ATP8A2: variants seen among roughly 807,000 people sequenced by gnomAD.
ATP8A2 encodes ATPase phospholipid transporting 8A2.
ATP8A2 carries 100 observed loss-of-function variants against 165.6 expected under a neutral mutation model. The observed-to-expected ratio is 0.60, with a 90% CI of 0.51 to 0.71. ATP8A2 has a LOEUF of 0.71. Ranked by LOEUF, ATP8A2 falls within the 30% of genes least tolerant of loss-of-function variation. The pLI is 0.00. For synonymous variants in ATP8A2, 543 were observed against 548.8 expected (o/e 0.99, Z 0.15); for missense variants, 1,227 against 1,479.5 (o/e 0.83, Z 2.80).
At chr13:25,541,010 T>C (rs1359968427) in intron 8 of ATP8A2, among the ~76,000 whole-genome samples, 3 of 151,778 alleles carry the variant, frequency 2.0e-5, no homozygotes, top group Non-Finnish European at 4.4e-5. Flanking sequence ...TACAGGTGCA[T>C]GCTACTACAC....
chr13:25,755,948 C>T (rs1200938901), intron 25 of ATP8A2, among the ~76,000 whole-genome samples: 1 of 152,130 alleles, frequency 6.6e-6, no homozygotes, highest in African/African-American at 2.4e-5. Flanking sequence ...AGACAGTGGA[C>T]TTGAAGGGAA....
At chr13:25,771,241 A>T (rs2044613020) in intron 26 of ATP8A2, among the ~76,000 whole-genome samples, 2 of 152,220 alleles carry the variant, frequency 1.3e-5, no homozygotes, top group African/African-American at 2.4e-5. Flanking sequence ...GCAAGCAAGC[A>T]TCTTGGGGTC....
chr13:25,922,765 G>C lies in ATP8A2; in HGVS notation c.3184-38810G>C, dbSNP rs184250. On this transcript the variant is annotated intron_variant, in intron 33 of 36. Transcript: ENST00000381655. ...ACAGGGGTGTGGGTTCCCAAAGAAGGGGGGATCGGTAGGCCCTACACATTT... is the reference window on the plus strand; with the variant it reads ...ACAGGGGTGTGGGTTCCCAAAGAAGCGGGGATCGGTAGGCCCTACACATTT... 5.1e-3 allele frequency among the ~76,000 whole-genome samples: 778 copies of C among 152,294 alleles called. 6 individuals carry two copies. The highest frequency in any genetic ancestry group is 0.018 in the African/African-American group (741 of 41,556).
chr13:25,639,095 T>C (rs569478491), intron 24 of ATP8A2, among the ~76,000 whole-genome samples: 1 of 130,094 alleles, frequency 7.7e-6, no homozygotes, highest in Admixed American at 8.5e-5. Context: ...CTACAAGAGC[T>C]CCTGAAGGAA....
chr13:25,820,548 C>T (rs558372673), intron 27 of ATP8A2, among the ~76,000 whole-genome samples: 3 of 152,280 alleles, frequency 2.0e-5, no homozygotes, highest in East Asian at 1.9e-4. Context: ...AAATGGGGGA[C>T]GGACAGTCTG....
intron 1 of ATP8A2, among the ~76,000 whole-genome samples, chr13:25,386,489 A>T (rs1458406025): frequency 6.6e-6 from 1 of 152,202 alleles, no homozygotes; most frequent in Admixed American, 6.5e-5. Flanking sequence ...CTGAAGATTA[A>T]TAGTGATGAA....
chr13:25,887,484 G>A (rs545333234), intron 33 of ATP8A2, among the ~76,000 whole-genome samples: 12 of 152,168 alleles, frequency 7.9e-5, no homozygotes, highest in African/African-American at 2.9e-4. Flanking sequence ...GATTACAGGC[G>A]TCGGCCACCA....
chr13:25,920,962 C>T (rs1199154552), intron 33 of ATP8A2, among the ~76,000 whole-genome samples: 2 of 151,952 alleles, frequency 1.3e-5, no homozygotes, highest in African/African-American at 2.4e-5. Flanking sequence ...TCTGGCTACT[C>T]GGGAGGCTGA....
intron 35 of ATP8A2, among the ~76,000 whole-genome samples, chr13:25,994,231 T>C (rs1446814000): frequency 6.6e-6 from 1 of 152,040 alleles, no homozygotes; most frequent in African/African-American, 2.4e-5. Context: ...AGGAGTTTTA[T>C]ATCTATACAT....
At chr13:25,738,350 C>G (rs9578918) in intron 25 of ATP8A2, among the ~76,000 whole-genome samples, 2 of 97,742 alleles carry the variant, frequency 2.0e-5, no homozygotes, top group Non-Finnish European at 4.8e-5. Context: ...TCCCCCCCCC[C>G]CACACACACT....
intron 33 of ATP8A2, among the ~76,000 whole-genome samples, chr13:25,911,552 G>A (rs912645563): frequency 6.6e-5 from 10 of 152,172 alleles, no homozygotes; most frequent in African/African-American, 2.4e-4. Context: ...TAAAGGAGTT[G>A]CATAAAGGAA....
At chr13:25,595,119 A>C (rs1435405385) in intron 24 of ATP8A2, among the ~76,000 whole-genome samples, 1 of 152,136 alleles carries the variant, frequency 6.6e-6, no homozygotes, top group Non-Finnish European at 1.5e-5. Flanking sequence ...AAGTAATTAA[A>C]CAAATTGTGA....
chr13:25,986,621 G>C (rs1956284353), intron 35 of ATP8A2, among the ~76,000 whole-genome samples: 1 of 152,150 alleles, frequency 6.6e-6, no homozygotes, highest in South Asian at 2.1e-4. Context: ...GGACACGTAG[G>C]TTGATTCCAT....
At chr13:25,725,317 C>T (rs147311302) in intron 25 of ATP8A2, among the ~76,000 whole-genome samples, 4 of 152,330 alleles carry the variant, frequency 2.6e-5, no homozygotes, top group Admixed American at 6.5e-5. Flanking sequence ...CTGAGTGAGG[C>T]GCTGCATGCC....
chr13:25,540,023 CAT>C (rs1055272214), intron 7 of ATP8A2, among the ~76,000 whole-genome samples: 7 of 152,288 alleles, frequency 4.6e-5, no homozygotes, highest in African/African-American at 1.7e-4. Flanking sequence ...GGGGACATCA[CAT>C]GTTTCCCTTT....
intron 25 of ATP8A2, among the ~76,000 whole-genome samples, chr13:25,765,623 G>A (rs747410993): frequency 1.3e-4 from 20 of 152,060 alleles, no homozygotes; most frequent in Non-Finnish European, 2.6e-4. Context: ...AAATACTACC[G>A]TATGACTTGC....
chr13:25,448,124 G>A (rs2035118939), intron 1 of ATP8A2, among the ~76,000 whole-genome samples: 1 of 152,170 alleles, frequency 6.6e-6, no homozygotes, highest in South Asian at 2.1e-4. Context: ...CAGGCTTGAG[G>A]GTGGAACCCT....
At chr13:25,466,856 A>C (rs1320586555) in intron 1 of ATP8A2, among the ~76,000 whole-genome samples, 2 of 152,242 alleles carry the variant, frequency 1.3e-5, no homozygotes, top group Admixed American at 1.3e-4. Context: ...GAGACAGAGC[A>C]TCCATAAATA....
At chr13:25,796,801 T>A (rs1422068599) in intron 27 of ATP8A2, among the ~76,000 whole-genome samples, 2 of 152,222 alleles carry the variant, frequency 1.3e-5, no homozygotes, top group Admixed American at 1.3e-4. Context: ...ACAGTGTAGT[T>A]CCCATGGTAG....
Sources: allele counts gnomAD v4.1 joint callset (sites outside exome capture counted in the v4.1 genomes callset), GRCh38; gene constraint gnomAD v4.1.1; transcripts MANE v1.5; gene names NCBI Gene and HGNC (gene_info 2026-07-23, HGNC 2026-07-21).